TASOR: variants seen among roughly 807,000 people sequenced by gnomAD.
TASOR encodes the protein protein TASOR.
A neutral mutation model predicts 178.6 loss-of-function variants in TASOR; 53 were observed. The observed-to-expected ratio is 0.30, with a 90% CI of 0.24 to 0.37. TASOR has a LOEUF of 0.37. TASOR is among the 10% of genes least tolerant of loss of function. TASOR has a pLI of 1.00. For synonymous variants in TASOR, 713 were observed against 696.2 expected (o/e 1.02, Z -0.38); for missense variants, 1,815 against 1,971.4 (o/e 0.92, Z 1.50).
rs1238278868 is a variant in TASOR, at chr3:56,622,905, T to C, written c.*132A>G. On this transcript the variant is annotated 3_prime_UTR_variant, in exon 24 of 24. Transcript: ENST00000683822. ...TTTCAATTTTTAGATGCTTCAACTG[T>C]TACAGGCCATCATGATTTAAATAAA... 1 of 528,650 alleles carries C rather than the reference T, an allele frequency of 1.9e-6. No homozygotes were observed. The highest frequency in any genetic ancestry group is 3.3e-6 in the Non-Finnish European group (1 of 307,496). 32.7% of individuals were successfully genotyped at this position (528,650 alleles called of 1,614,324 possible). A position where few individuals can be genotyped will look rare whatever the true frequency, so the allele number is the denominator to read the frequency against.
chr3:56,643,262 T>TA (rs71621833), intron 14 of TASOR, among the ~76,000 whole-genome samples: 4,790 of 138,300 alleles, frequency 0.035, 105 homozygotes, highest in Middle Eastern at 0.083. Flanking sequence ...GACTCCATCT[T>TA]AAAAAAAAAA....
intron 3 of TASOR, 66 bp from the exon 4 acceptor site, chr3:56,670,211 T>C: frequency 9.9e-7 from 1 of 1,012,354 alleles, no homozygotes. Flanking sequence ...AAAAATAATT[T>C]TATAAACTTG....
At chr3:56,664,085 A>AT (rs1263725795) in intron 7 of TASOR, 1 of 152,438 alleles carries the variant, frequency 6.6e-6, no homozygotes, top group Non-Finnish European at 1.4e-5. Context: ...AAAAAGAGAC[A>AT]TAAGAGTATA....
chr3:56,650,684 C>T (rs939097009), intron 11 of TASOR, among the ~76,000 whole-genome samples: 1 of 152,080 alleles, frequency 6.6e-6, no homozygotes, highest in Non-Finnish European at 1.5e-5. Context: ...GCTGAGGTGG[C>T]CTTGTTTCCT....
At chr3:56,678,264 T>C (rs536052299) in intron 1 of TASOR, among the ~76,000 whole-genome samples, 1 of 142,164 alleles carries the variant, frequency 7.0e-6, no homozygotes, top group Non-Finnish European at 1.5e-5. Flanking sequence ...TCACTGCAAC[T>C]TCCACCTCCT....
At chr3:56,648,543 A>C (rs2077282426) in intron 13 of TASOR, among the ~76,000 whole-genome samples, 1 of 149,634 alleles carries the variant, frequency 6.7e-6, no homozygotes, top group Non-Finnish European at 1.5e-5. Flanking sequence ...AGGCAGGAGA[A>C]TCACTTGAAC....
At chr3:56,660,656 AAC>A (rs1406797409) in intron 11 of TASOR, 73 bp downstream of exon 11, 4 of 1,152,144 alleles carry the variant, frequency 3.5e-6, no homozygotes, top group Non-Finnish European at 5.1e-6. Flanking sequence ...AATAAACTGA[AAC>A]ACTAATATGA....
At chr3:56,671,562 C>CA (rs1559852186) in intron 3 of TASOR, 38 bp downstream of exon 3, 1 of 1,402,460 alleles carries the variant, frequency 7.1e-7, no homozygotes, top group African/African-American at 1.4e-5. Context: ...ACAATGGAAA[C>CA]ATCCCCAAAT....
intron 7 of TASOR, among the ~76,000 whole-genome samples, chr3:56,665,505 T>G (rs2077690122): frequency 6.6e-6 from 1 of 152,050 alleles, no homozygotes; most frequent in Non-Finnish European, 1.5e-5. Flanking sequence ...TACAGGCACG[T>G]ACCACCACAT....
intron 5 of TASOR, 133 bp downstream of exon 5, chr3:56,669,567 C>G (rs1236960831): frequency 3.4e-6 from 2 of 585,704 alleles, no homozygotes; most frequent in African/African-American, 3.9e-5. Context: ...AAACCATTTT[C>G]AAAAGTATCT....
intron 17 of TASOR, among the ~76,000 whole-genome samples, chr3:56,637,557 T>A (rs1029297305): frequency 6.0e-5 from 9 of 149,338 alleles, no homozygotes; most frequent in Non-Finnish European, 1.3e-4. Flanking sequence ...AACTTTCCTC[T>A]ATGTTATATA....
chr3:56,635,295 C>T (rs572674792), intron 17 of TASOR, among the ~76,000 whole-genome samples: 5 of 152,272 alleles, frequency 3.3e-5, no homozygotes, highest in African/African-American at 9.6e-5. Context: ...AACAAAATAT[C>T]CAACGTGCCA....
intron 15 of TASOR, among the ~76,000 whole-genome samples, 162 bp downstream of exon 15, chr3:56,641,180 TTTGTAAC>T (rs3215018): frequency 0.18 from 28,105 of 152,050 alleles, 3,411 homozygotes; most frequent in South Asian, 0.4. Flanking sequence ...CATTTATCTC[TTTGTAAC>T]AAGGAATAAC....
At chr3:56,623,961 G>T in intron 23 of TASOR, 2 of 767,442 alleles carry the variant, frequency 2.6e-6, no homozygotes, top group Non-Finnish European at 4.0e-6. Flanking sequence ...GATCATTTCT[G>T]CTTTTTTTCA....
intron 1 of TASOR, among the ~76,000 whole-genome samples, chr3:56,676,624 A>T (rs544542547): frequency 6.6e-6 from 1 of 152,344 alleles, no homozygotes; most frequent in Admixed American, 6.5e-5. Flanking sequence ...GATATATAAA[A>T]TGTACACAAA....
At chr3:56,630,861 T>G (rs925554397) in intron 18 of TASOR, among the ~76,000 whole-genome samples, 1 of 144,224 alleles carries the variant, frequency 6.9e-6, no homozygotes, top group African/African-American at 2.6e-5. Flanking sequence ...ATAAATAAAT[T>G]TTTTAAAATG....
At chr3:56,627,269 T>C in intron 20 of TASOR, 124 bp from the exon 21 acceptor site, 1 of 655,790 alleles carries the variant, frequency 1.5e-6, no homozygotes, top group Non-Finnish European at 2.6e-6. Flanking sequence ...TTTTCATTTC[T>C]CTTTGTCTAA....
chr3:56,643,369 CA>C (rs1351749916), intron 14 of TASOR, among the ~76,000 whole-genome samples: 1 of 151,842 alleles, frequency 6.6e-6, no homozygotes, highest in Non-Finnish European at 1.5e-5. Context: ...TACCTCAAAA[CA>C]GTTTATGTTA....
intron 23 of TASOR, 145 bp from the exon 24 acceptor site, chr3:56,623,711 C>T: frequency 2.6e-6 from 4 of 1,542,248 alleles, no homozygotes. Flanking sequence ...CACAAGTTCA[C>T]TTAGTCACAA....
Sources: allele counts gnomAD v4.1 joint callset (sites outside exome capture counted in the v4.1 genomes callset), GRCh38; gene constraint gnomAD v4.1.1; transcripts MANE v1.5; gene names NCBI Gene and HGNC (gene_info 2026-07-23, HGNC 2026-07-21).